The following ARB2A variants were observed in gnomAD, a reference collection of about 807,000 sequenced individuals.
The protein encoded by ARB2A is ARB2 cotranscriptional regulator A, also known as cotranscriptional regulator ARB2A.
At chr5:93,914,965 C>T in the ARB2A span, among the ~76,000 whole-genome samples, 1 of 151,900 alleles carries the variant, frequency 6.6e-6, no homozygotes, top group Non-Finnish European at 1.5e-5. Flanking sequence ...AAATACTAGA[C>T]TGAATATGGT....
the ARB2A span, among the ~76,000 whole-genome samples, chr5:93,660,768 G>T: frequency 6.6e-6 from 1 of 152,122 alleles, no homozygotes. Context: ...GTACCAGTTA[G>T]GTGAAGAGGA....
At chr5:93,868,621 T>C in the ARB2A span, among the ~76,000 whole-genome samples, 1 of 152,178 alleles carries the variant, frequency 6.6e-6, no homozygotes, top group Non-Finnish European at 1.5e-5. Context: ...GGGTCAACTA[T>C]ATAAAACTCA....
the ARB2A span, among the ~76,000 whole-genome samples, chr5:94,025,447 T>C: frequency 3.9e-5 from 6 of 152,218 alleles, no homozygotes; most frequent in African/African-American, 1.4e-4. Context: ...TTTAACTTCA[T>C]TTAACCTTTA....
At chr5:94,067,559 C>T in the ARB2A span, among the ~76,000 whole-genome samples, 1 of 151,878 alleles carries the variant, frequency 6.6e-6, no homozygotes, top group Non-Finnish European at 1.5e-5. Flanking sequence ...AGAAAGTGAT[C>T]AAAAAGGCAA....
the ARB2A span, among the ~76,000 whole-genome samples, chr5:94,028,207 G>A: frequency 6.6e-6 from 1 of 152,152 alleles, no homozygotes; most frequent in South Asian, 2.1e-4. Flanking sequence ...ACAACCCTGA[G>A]AAATGGCCCA....
chr5:93,964,335 A>G, the ARB2A span: 1 of 651,502 alleles, frequency 1.5e-6, no homozygotes, highest in Non-Finnish European at 2.7e-6. Context: ...CAACACAATA[A>G]ACCCTAACAT....
chr5:93,745,162 G>A, the ARB2A span, among the ~76,000 whole-genome samples: 1 of 152,164 alleles, frequency 6.6e-6, no homozygotes, highest in African/African-American at 2.4e-5. Context: ...CAAATGATAA[G>A]AAGCAGGAAA....
At chr5:93,957,359 T>G in the ARB2A span, among the ~76,000 whole-genome samples, 1 of 152,174 alleles carries the variant, frequency 6.6e-6, no homozygotes, top group African/African-American at 2.4e-5. Context: ...TTTTCAAATA[T>G]TCATCAAATT....
chr5:94,047,762 A>T, the ARB2A span, among the ~76,000 whole-genome samples: 1 of 152,160 alleles, frequency 6.6e-6, no homozygotes, highest in African/African-American at 2.4e-5. Context: ...TACACATGGA[A>T]TTACCTAAAA....
the ARB2A span, among the ~76,000 whole-genome samples, chr5:93,745,679 A>T: frequency 1.4e-3 from 213 of 152,128 alleles, 4 homozygotes; most frequent in East Asian, 0.029. Context: ...CCAAAAAAAA[A>T]TTTTTTTTCT....
the ARB2A span, among the ~76,000 whole-genome samples, chr5:93,785,517 C>T: frequency 0.012 from 1,773 of 152,246 alleles, 32 homozygotes; most frequent in African/African-American, 0.041. Flanking sequence ...AAAGCTCATA[C>T]AGAGAAAGAA....
the ARB2A span, among the ~76,000 whole-genome samples, chr5:93,759,493 C>A: frequency 6.6e-6 from 1 of 152,108 alleles, no homozygotes; most frequent in Non-Finnish European, 1.5e-5. Flanking sequence ...ATGCTAAAAT[C>A]TTTAACAAAA....
chr5:94,072,551 A>T, the ARB2A span, among the ~76,000 whole-genome samples: 1 of 152,098 alleles, frequency 6.6e-6, no homozygotes, highest in African/African-American at 2.4e-5. Context: ...TTTTTAATAA[A>T]GGCACTATAG....
At chr5:94,092,473 T>A in the ARB2A span, among the ~76,000 whole-genome samples, 2 of 152,230 alleles carry the variant, frequency 1.3e-5, no homozygotes, top group African/African-American at 4.8e-5. Context: ...AACTCTAATG[T>A]CACTACTTGT....
At chr5:93,922,651 G>A in the ARB2A span, among the ~76,000 whole-genome samples, 2 of 92,068 alleles carry the variant, frequency 2.2e-5, no homozygotes, top group Non-Finnish European at 2.2e-5. Context: ...AGGGAGGGAG[G>A]GAGGGAGGGA....
chr5:93,983,084 A>G, the ARB2A span, among the ~76,000 whole-genome samples: 4 of 152,226 alleles, frequency 2.6e-5, no homozygotes, highest in Admixed American at 6.5e-5. Flanking sequence ...GGTAGAGTAG[A>G]AAGACAATAT....
At chr5:93,765,770 C>CTA in the ARB2A span, among the ~76,000 whole-genome samples, 1 of 152,178 alleles carries the variant, frequency 6.6e-6, no homozygotes, top group Non-Finnish European at 1.5e-5. Flanking sequence ...AGACATCACA[C>CTA]TACCTGACTT....
chr5:93,886,158 C>T, the ARB2A span, among the ~76,000 whole-genome samples: 1 of 151,512 alleles, frequency 6.6e-6, no homozygotes, highest in Non-Finnish European at 1.5e-5. Context: ...TACTCATTAC[C>T]AATTATAAGA....
chr5:93,768,496 C>T, the ARB2A span, among the ~76,000 whole-genome samples: 8 of 149,466 alleles, frequency 5.4e-5, no homozygotes, highest in Admixed American at 2.0e-4. Flanking sequence ...TAAAAGTATA[C>T]GCTATATATA....
Sources: allele counts gnomAD v4.1 joint callset (sites outside exome capture counted in the v4.1 genomes callset), GRCh38; gene constraint gnomAD v4.1.1; transcripts MANE v1.5; gene names NCBI Gene and HGNC (gene_info 2026-07-23, HGNC 2026-07-21).